Variants in ARHGEF2 observed in about 807,000 individuals in gnomAD.
ARHGEF2 encodes the protein Rho/Rac guanine nucleotide exchange factor 2, also known as rho guanine nucleotide exchange factor 2.
Under a neutral mutation model 121.0 loss-of-function variants are expected in ARHGEF2, and 22 were observed. That is an observed-to-expected ratio of 0.18 (90% CI 0.13 to 0.26). The LOEUF (loss-of-function observed/expected upper bound fraction) is 0.26. Among genes scored for constraint, ARHGEF2 ranks in the 10% least tolerant of loss-of-function variants. The pLI is 1.00. For missense variants in ARHGEF2, 907 were observed against 1,336.0 expected, an observed-to-expected ratio of 0.68 and a Z score of 5.01; for synonymous variants, 487 against 530.0, an observed-to-expected ratio of 0.92 and a Z score of 1.11.
chr1:155,979,236 CT>C (rs1242262191), upstream of ARHGEF2: 4 of 985,450 alleles, frequency 4.1e-6, no homozygotes, highest in Non-Finnish European at 4.8e-6. Context: ...CTGCCAGCTA[CT>C]TTGGGGGACT....
In ARHGEF2 at chr1:155,973,860, TTG is replaced by T. The variant is rs1680877801; in HGVS notation, c.63+4503_63+4504del. Among the ~76,000 whole-genome samples, 3 of 152,148 alleles carry T rather than the reference TTG, an allele frequency of 2.0e-5. No individual in the cohort carries two copies. The South Asian group carries it at 6.2e-4, about 32-fold the overall frequency. ...CACAGTCTCCCCTCTTCTCTCCACT[TTG>T]TCTCCCAGAATAAGGGATGAGGAAA... On this transcript the variant is annotated intron_variant, in intron 1 of 21. Transcript: ENST00000361247.
At chr1:155,955,467 T>G (rs777226674) in intron 13 of ARHGEF2, among the ~76,000 whole-genome samples, 3 of 152,048 alleles carry the variant, frequency 2.0e-5, no homozygotes, top group Non-Finnish European at 4.4e-5. Flanking sequence ...CTGAGATATA[T>G]CTCTCCAAAG....
chr1:155,968,192 TC>T (rs1486106855), intron 2 of ARHGEF2: 3 of 114,274 alleles, frequency 2.6e-5, no homozygotes, highest in Non-Finnish European at 3.4e-5. Context: ...TCACTGGTTT[TC>T]TTTTCTTTCT....
At position 155,950,634 on chromosome 1, in the gene ARHGEF2, C is replaced by T; in HGVS notation, c.2704-152G>A. 1.0e-6 allele frequency: 1 copy of T among 999,684 alleles called. No homozygotes were observed. Among genetic ancestry groups the T allele is most frequent in the Non-Finnish European group, 1.5e-6 (1 of 681,316 alleles). 61.9% of individuals were successfully genotyped at this position (999,684 alleles called of 1,614,324 possible). On this transcript the variant is annotated intron_variant, in intron 20 of 21. Coordinates refer to ENST00000361247, the MANE Select transcript of ARHGEF2 (RefSeq NM_001162383.2). This position sits in a 1 kb window ranked among gnomAD's most constrained non-coding sequence, Gnocchi z 5.2. The stretch of plus-strand genomic sequence containing the variant: ...CACCACCAACTGGCCTCTTTCAGCA[C>T]CACGACCCGAGTTAATTTCCTCCAC...
intron 1 of ARHGEF2, among the ~76,000 whole-genome samples, chr1:155,972,935 A>C (rs1249674658): frequency 2.6e-5 from 4 of 151,698 alleles, no homozygotes; most frequent in Admixed American, 2.6e-4. Context: ...AACTCCTAGG[A>C]TCAAGTGATC....
rs192303038 is a variant in ARHGEF2 at position 155,958,793 on chromosome 1, G to A, written c.1469-397C>T. Among the ~76,000 whole-genome samples the A allele has an allele frequency of 4.2e-3, 642 of 151,062 alleles. 2 individuals carry two copies. Among genetic ancestry groups the A allele is most frequent in the Middle Eastern group, 0.01 (3 of 294 alleles). ...GGGTTTCACCATGTTGGTCAGGCTG[G>A]TCTCAAACTCCTGACCTCAGGTTTA... is the stretch of plus-strand genomic sequence containing the variant. On this transcript the variant is annotated intron_variant, in intron 11 of 21. Transcript: ENST00000361247.
Position 155,969,149 on chromosome 1 carries a change from A to G in ARHGEF2, c.208+7T>C. 1 of 1,614,014 alleles carries G rather than the reference A, an allele frequency of 6.2e-7. No individual in the cohort carries two copies. Reference sequence around the variant, plus strand: ...TCTGGGTGACTCTCAGGGTCCAAACAACTTACTTGGGCAGATGAGGGCTTC... The same window carrying G: ...TCTGGGTGACTCTCAGGGTCCAAACGACTTACTTGGGCAGATGAGGGCTTC... On this transcript the variant is annotated splice_region_variant and intron_variant, in intron 2 of 21. Coordinates refer to ENST00000361247, the MANE Select transcript of ARHGEF2 (RefSeq NM_001162383.2).
chr1:155,965,822 C>T lies in ARHGEF2; in HGVS notation c.341-62G>A. On this transcript the variant is annotated intron_variant, in intron 4 of 21. Transcript: ENST00000361247. This position sits in a 1 kb window ranked among gnomAD's most constrained non-coding sequence, Gnocchi z 6.0. ...CTCTGGTGCTTCCCAGGATTGAGGC[C>T]TCCTAGGCTCCTCAATGAGGAATGA... 2 of 1,518,614 alleles carry T rather than the reference C, an allele frequency of 1.3e-6. No homozygotes were observed. Among genetic ancestry groups the T allele is most frequent in the Middle Eastern group, 2.3e-4 (1 of 4,326 alleles). 94.1% of individuals were successfully genotyped at this position (1,518,614 alleles called of 1,614,324 possible).
At chr1:155,952,569 G>A in intron 15 of ARHGEF2, 59 bp downstream of exon 15, 1 of 1,521,302 alleles carries the variant, frequency 6.6e-7, no homozygotes, top group Non-Finnish European at 9.0e-7. Flanking sequence ...CTAGTCACAT[G>A]TCCACATTCT....
intron 2 of ARHGEF2, 44 bp from the exon 3 acceptor site, chr1:155,966,931 A>G (rs1189942176): frequency 6.4e-7 from 1 of 1,560,956 alleles, no homozygotes; most frequent in African/African-American, 1.4e-5. Flanking sequence ...GCCGGGTGGT[A>G]CAGGAGGGGA....
In ARHGEF2 at chr1:155,961,946, A is replaced by C; in HGVS notation, c.1220-37T>G. 6.2e-7 allele frequency: 1 copy of C among 1,611,800 alleles called. No homozygotes were observed. Among genetic ancestry groups the C allele is most frequent in the South Asian group, 1.1e-5 (1 of 91,022 alleles). The stretch of plus-strand genomic sequence containing the variant: ...GGTTGGCATGGGGAACGGCTCAACC[A>C]GTTTCACTCACACCCCAGTTCCCAT... On this transcript the variant is annotated intron_variant, in intron 10 of 21. Transcript: ENST00000361247. The surrounding 1 kb of genome is among the most constrained non-coding windows in gnomAD (Gnocchi z 4.7).
intron 1 of ARHGEF2, among the ~76,000 whole-genome samples, chr1:155,972,708 CTT>C (rs879914050): frequency 7.0e-6 from 1 of 142,818 alleles, no homozygotes. Context: ...TTTTTTTTTT[CTT>C]TTTTTTTTTG....
intron 7 of ARHGEF2, among the ~76,000 whole-genome samples, chr1:155,964,144 CAAAAAAAAAAAA>C (rs71576039): frequency 1.5e-3 from 86 of 55,726 alleles, no homozygotes; most frequent in South Asian, 3.1e-3. Context: ...GACTCTGCTT[CAAAAAAAAAAAA>C]AAAAAAAAAA....
chr1:155,964,125 A>G (rs1678568353), intron 7 of ARHGEF2, among the ~76,000 whole-genome samples: 1 of 134,338 alleles, frequency 7.4e-6, no homozygotes, highest in Non-Finnish European at 1.5e-5. Flanking sequence ...AGCATGGGCG[A>G]CAGAGCAAGA....
At chr1:155,972,184 T>A (rs191805717) in intron 1 of ARHGEF2, 1 of 444,708 alleles carries the variant, frequency 2.2e-6, no homozygotes, top group East Asian at 7.2e-5. Context: ...GCCCTTCCTC[T>A]CTCTGGCATC....
chr1:155,960,583 C>T (rs2102655419), intron 11 of ARHGEF2, among the ~76,000 whole-genome samples: 1 of 152,250 alleles, frequency 6.6e-6, no homozygotes, highest in East Asian at 1.9e-4. Flanking sequence ...AGAAATAACA[C>T]TCTCCAGCCT....
chr1:155,978,734 C>T (rs1681810064), upstream of ARHGEF2: 6 of 784,186 alleles, frequency 7.7e-6, no homozygotes, highest in South Asian at 3.1e-4. The surrounding 1 kb of genome is among the most constrained non-coding windows in gnomAD (Gnocchi z 4.1). Context: ...GCCCCTCTGC[C>T]TATTTCCCCT....
In ARHGEF2 at chr1:155,946,954, G is replaced by A. The variant is rs1674523857; in HGVS notation, c.*988C>T. 6.5e-6 allele frequency: 1 copy of A among 153,152 alleles called. No homozygotes were observed. The highest frequency in any genetic ancestry group is 1.5e-5 in the Non-Finnish European group (1 of 68,574). The allele number at this position is 153,152 out of a possible 1,614,324, so 9.5% of individuals were successfully genotyped here. A position where few individuals can be genotyped will look rare whatever the true frequency, so the allele number is the denominator to read the frequency against. Reference sequence around the variant, plus strand: ...ATTTGGGGGCTGGTCGACATTTGGGGGCAAGGGTTCCACTGAAAAATCCCC... The same window carrying A: ...ATTTGGGGGCTGGTCGACATTTGGGAGCAAGGGTTCCACTGAAAAATCCCC... On this transcript the variant is annotated 3_prime_UTR_variant, in exon 22 of 22. Coordinates refer to ENST00000361247, the MANE Select transcript of ARHGEF2 (RefSeq NM_001162383.2).
intron 1 of ARHGEF2, among the ~76,000 whole-genome samples, chr1:155,973,898 C>A (rs1029533887): frequency 1.3e-5 from 2 of 152,130 alleles, no homozygotes; most frequent in African/African-American, 4.8e-5. Flanking sequence ...CAGTGACGTA[C>A]ATGGAGGGGA....
Sources: allele counts gnomAD v4.1 joint callset (sites outside exome capture counted in the v4.1 genomes callset), GRCh38; gene constraint gnomAD v4.1.1; non-coding constraint Gnocchi (gnomAD v3.1); transcripts MANE v1.5; gene names NCBI Gene and HGNC (gene_info 2026-07-23, HGNC 2026-07-21).